Variants in MCC observed in about 807,000 individuals in gnomAD.
MCC encodes the protein MCC regulator of Wnt signaling pathway.
In MCC, 90 loss-of-function variants were observed where a neutral mutation model predicts 116.2. The observed-to-expected ratio is 0.77, with a 90% CI of 0.65 to 0.92. The LOEUF is 0.92. MCC is among the 40% of genes least tolerant of loss of function. The probability of loss-of-function intolerance (pLI) is 0.00; values close to 1 mark genes in which losing one functional copy is unlikely to be tolerated. For missense variants in MCC, 1,516 were observed against 1,312.2 expected (o/e 1.16, Z -2.40); for synonymous variants, 578 against 510.5 (o/e 1.13, Z -1.78).
intron 17 of MCC, among the ~76,000 whole-genome samples, chr5:113,040,097 A>G (rs1344785429): frequency 1.3e-5 from 2 of 151,826 alleles, no homozygotes; most frequent in African/African-American, 2.4e-5. Context: ...TTATGGCAAT[A>G]CCACAGCCAA....
chr5:113,197,931 T>C (rs1201755831), intron 3 of MCC, among the ~76,000 whole-genome samples: 1 of 152,170 alleles, frequency 6.6e-6, no homozygotes, highest in Admixed American at 6.5e-5. Flanking sequence ...ACTCGTGTCA[T>C]GTGACTACAA....
chr5:113,478,293 A>G (rs142507843), intron 1 of MCC, among the ~76,000 whole-genome samples: 130 of 152,332 alleles, frequency 8.5e-4, no homozygotes, highest in East Asian at 3.1e-3. Context: ...AGAGGCAGCA[A>G]GAGTAGAAGT....
intron 17 of MCC, among the ~76,000 whole-genome samples, chr5:113,039,993 C>T (rs1751589789): frequency 6.6e-6 from 1 of 151,664 alleles, no homozygotes; most frequent in Non-Finnish European, 1.5e-5. Flanking sequence ...GTTTTTACAG[C>T]ACACAGGCTG....
chr5:113,213,271 C>T (rs970995831), intron 3 of MCC, among the ~76,000 whole-genome samples: 1 of 152,146 alleles, frequency 6.6e-6, no homozygotes, highest in Admixed American at 6.5e-5. Context: ...CCTCGAGGAA[C>T]TAAGTTTAGC....
intron 1 of MCC, among the ~76,000 whole-genome samples, chr5:113,448,632 G>C (rs1339322156): frequency 6.6e-6 from 1 of 152,084 alleles, no homozygotes; most frequent in Non-Finnish European, 1.5e-5. Context: ...ACACACTCCA[G>C]TTTTTTTAAA....
At chr5:113,061,131 C>T (rs1436174856) in intron 14 of MCC, among the ~76,000 whole-genome samples, 7 of 152,240 alleles carry the variant, frequency 4.6e-5, no homozygotes, top group African/African-American at 9.6e-5. Context: ...TTGGGGATTA[C>T]ACCCCAGAGT....
chr5:113,436,964 C>T (rs1319674677), intron 1 of MCC: 1 of 152,146 alleles, frequency 6.6e-6, no homozygotes, highest in South Asian at 2.1e-4. Flanking sequence ...ATTGATGTCT[C>T]GTGCCTCCCT....
chr5:113,100,364 T>C (rs1044677461), intron 8 of MCC, among the ~76,000 whole-genome samples: 4 of 151,934 alleles, frequency 2.6e-5, no homozygotes, highest in African/African-American at 4.8e-5. Flanking sequence ...CCTGAGCTCG[T>C]TGAAGCATAG....
At chr5:113,373,752 A>T (rs1196239009) in intron 2 of MCC, among the ~76,000 whole-genome samples, 1 of 152,262 alleles carries the variant, frequency 6.6e-6, no homozygotes, top group African/African-American at 2.4e-5. Context: ...GGATACTGTC[A>T]TGTAATATCC....
chr5:113,171,464 G>A (rs921428912), intron 3 of MCC, among the ~76,000 whole-genome samples: 1 of 151,740 alleles, frequency 6.6e-6, no homozygotes, highest in Non-Finnish European at 1.5e-5. Context: ...AAGCTATTCT[G>A]GTGCCTCAGC....
At chr5:113,289,346 TGAAAA>T (rs1274170306) in intron 3 of MCC, among the ~76,000 whole-genome samples, 10 of 136,812 alleles carry the variant, frequency 7.3e-5, no homozygotes, top group South Asian at 2.3e-4. Flanking sequence ...AAAAAAAAAA[TGAAAA>T]GAAAAAAGAA....
chr5:113,044,722 G>A (rs1158986362), intron 16 of MCC, among the ~76,000 whole-genome samples: 1 of 152,136 alleles, frequency 6.6e-6, no homozygotes, highest in East Asian at 1.9e-4. Flanking sequence ...TTACAGGCAT[G>A]TGCCACCACG....
intron 3 of MCC, among the ~76,000 whole-genome samples, chr5:113,283,280 G>A (rs1766120021): frequency 6.6e-6 from 1 of 152,176 alleles, no homozygotes; most frequent in Non-Finnish European, 1.5e-5. Flanking sequence ...AGAGGACTAA[G>A]GGATTGATAA....
Position 113,182,908 on chromosome 5 carries a change from G to C in MCC, c.628-31486C>G, listed in dbSNP as rs143130451. On this transcript the variant is annotated intron_variant, in intron 3 of 18. Coordinates refer to ENST00000408903, the MANE Select transcript of MCC (RefSeq NM_001085377.2). ...TGACGAGGCCATAGTGAAGGTCTCA[G>C]TAATGTGCCACAGACAGCACAGGAG... Among the ~76,000 whole-genome samples, 760 of 152,314 alleles carry C rather than the reference G, an allele frequency of 5.0e-3. 9 individuals are homozygous for C. Among genetic ancestry groups the C allele is most frequent in the African/African-American group, 0.017 (725 of 41,550 alleles).
chr5:113,326,619 G>C (rs1208284381), intron 3 of MCC, among the ~76,000 whole-genome samples: 1 of 152,194 alleles, frequency 6.6e-6, no homozygotes, highest in African/African-American at 2.4e-5. Flanking sequence ...TGCGAATTTT[G>C]GAGGGGACAT....
At chr5:113,323,057 A>G (rs1484491454) in intron 3 of MCC, 2 of 152,326 alleles carry the variant, frequency 1.3e-5, no homozygotes, top group Non-Finnish European at 2.9e-5. Context: ...GACGGTATGC[A>G]TGCAGCCCCA....
At chr5:113,059,286 G>T (rs1368729320) in intron 14 of MCC, among the ~76,000 whole-genome samples, 1 of 152,212 alleles carries the variant, frequency 6.6e-6, no homozygotes, top group African/African-American at 2.4e-5. Flanking sequence ...CCTGCTTCCA[G>T]GACAGCAGCG....
intron 1 of MCC, chr5:113,433,692 C>T (rs774807072): frequency 5.1e-6 from 8 of 1,574,232 alleles, no homozygotes; most frequent in Middle Eastern, 1.7e-4. Flanking sequence ...AGAGCTTGGG[C>T]TTTAAGCCGT....
intron 11 of MCC, among the ~76,000 whole-genome samples, chr5:113,080,828 G>A (rs7732627): frequency 0.91 from 127,076 of 139,308 alleles, 57,526 homozygotes; most frequent in East Asian, 1. Flanking sequence ...AAAAAAAAAA[G>A]AAAAGAAAAA....
Sources: allele counts gnomAD v4.1 joint callset (sites outside exome capture counted in the v4.1 genomes callset), GRCh38; gene constraint gnomAD v4.1.1; transcripts MANE v1.5; gene names NCBI Gene and HGNC (gene_info 2026-07-23, HGNC 2026-07-21).